The following EXOC6B variants were observed in gnomAD, a reference collection of about 807,000 sequenced individuals.
The protein encoded by EXOC6B is exocyst complex component 6B.
In EXOC6B, 54 loss-of-function variants were observed where a neutral mutation model predicts 113.5. That is an observed-to-expected ratio of 0.48 (90% CI 0.38 to 0.60). The LOEUF (loss-of-function observed/expected upper bound fraction) is 0.60. Ranked by LOEUF, EXOC6B falls within the 20% of genes least tolerant of loss-of-function variation. The pLI is 0.00. For synonymous variants in EXOC6B, 357 were observed against 339.0 expected (o/e 1.05, Z -0.58); for missense variants, 797 against 977.5 (o/e 0.82, Z 2.46).
intron 18 of EXOC6B, among the ~76,000 whole-genome samples, chr2:72,443,605 G>A (rs1399314859): frequency 6.6e-6 from 1 of 152,122 alleles, no homozygotes; most frequent in African/African-American, 2.4e-5. Context: ...ATAAAAAGAG[G>A]TTTAATAGAC....
chr2:72,223,921 T>C (rs1448738795), intron 20 of EXOC6B, among the ~76,000 whole-genome samples: 1 of 152,196 alleles, frequency 6.6e-6, no homozygotes, highest in Non-Finnish European at 1.5e-5. Flanking sequence ...ACAGGACATT[T>C]TGGAATACAG....
rs541788597 is a variant in EXOC6B at position 72,376,103 on chromosome 2, G to A, written c.2122+3626C>T. Among the ~76,000 whole-genome samples the A allele has an allele frequency of 3.4e-4, 52 of 151,846 alleles. No homozygotes were observed. The South Asian group carries it at 1.0e-2, about 29-fold the overall frequency. ...CCATTTCTTAATGAAGTAGTCTCAA[G>A]GTTCTAGAAAAAAAAAATGTGTTAA... On this transcript the variant is annotated intron_variant, in intron 19 of 21. Coordinates refer to ENST00000272427, the MANE Select transcript of EXOC6B (RefSeq NM_015189.3).
intron 20 of EXOC6B, among the ~76,000 whole-genome samples, chr2:72,316,659 T>A (rs1687531059): frequency 6.6e-6 from 1 of 152,226 alleles, no homozygotes; most frequent in Admixed American, 6.5e-5. Context: ...AATTATGAAA[T>A]AGGAACTATG....
In EXOC6B at chr2:72,214,962, T is replaced by C. The variant is rs536016967; in HGVS notation, c.2197-30775A>G. On this transcript the variant is annotated intron_variant, in intron 20 of 21. Coordinates refer to ENST00000272427, the MANE Select transcript of EXOC6B (RefSeq NM_015189.3). ...AGACTGACTGCTTTTAGGGAGGAAA[T>C]GCAGCAAAGAGGGTTGGGCTCTTTC... 2.8e-4 allele frequency among the ~76,000 whole-genome samples: 42 copies of C among 152,302 alleles called. 1 individual carries two copies. Among genetic ancestry groups the C allele is most frequent in the Admixed American group, 2.4e-3 (37 of 15,304 alleles).
chr2:72,408,911 ACAT>A (rs1693977583), intron 18 of EXOC6B, among the ~76,000 whole-genome samples: 1 of 152,160 alleles, frequency 6.6e-6, no homozygotes. Flanking sequence ...AAAGGAACTA[ACAT>A]CAGAGTGAAC....
chr2:72,517,605 C>T (rs898787236), intron 8 of EXOC6B, among the ~76,000 whole-genome samples: 1 of 152,084 alleles, frequency 6.6e-6, no homozygotes, highest in Non-Finnish European at 1.5e-5. Flanking sequence ...CATTTCACAG[C>T]ATAGTAGTAT....
chr2:72,591,360 TG>T (rs945192272), intron 6 of EXOC6B, among the ~76,000 whole-genome samples: 1 of 152,148 alleles, frequency 6.6e-6, no homozygotes, highest in Non-Finnish European at 1.5e-5. Flanking sequence ...CTGCTCATTT[TG>T]TCTGATATTT....
intron 6 of EXOC6B, among the ~76,000 whole-genome samples, chr2:72,629,344 C>T (rs1315717343): frequency 6.6e-6 from 1 of 152,154 alleles, no homozygotes; most frequent in Non-Finnish European, 1.5e-5. Flanking sequence ...CCCACATGCA[C>T]TGCTTGTAAA....
At chr2:72,210,485 A>T (rs1257727110) in intron 20 of EXOC6B, among the ~76,000 whole-genome samples, 1 of 152,224 alleles carries the variant, frequency 6.6e-6, no homozygotes, top group Non-Finnish European at 1.5e-5. Flanking sequence ...ATTTCCCAGC[A>T]CAGTACCAGA....
intron 18 of EXOC6B, among the ~76,000 whole-genome samples, chr2:72,454,548 T>A (rs1440147234): frequency 1.3e-5 from 2 of 151,996 alleles, no homozygotes; most frequent in Non-Finnish European, 2.9e-5. Context: ...GAAAAGGAAA[T>A]CAAGTATGAA....
chr2:72,402,193 T>C (rs1490182749), intron 18 of EXOC6B, among the ~76,000 whole-genome samples: 1 of 152,154 alleles, frequency 6.6e-6, no homozygotes, highest in Non-Finnish European at 1.5e-5. Flanking sequence ...TATAGGTCTG[T>C]TAAGATTTTG....
rs556281011 is a variant in EXOC6B at position 72,228,642 on chromosome 2, T to C, written c.2197-44455A>G. 5.5e-3 allele frequency among the ~76,000 whole-genome samples: 834 copies of C among 152,284 alleles called. 22 individuals carry two copies. The highest frequency in any genetic ancestry group is 0.049 in the Admixed American group (743 of 15,292). The stretch of plus-strand genomic sequence containing the variant: ...AGTATTCCATGGTGTATATGTGCCA[T>C]ATTTTCTTAATCCAGTCTAACATTG... On this transcript the variant is annotated intron_variant, in intron 20 of 21. Coordinates refer to ENST00000272427, the MANE Select transcript of EXOC6B (RefSeq NM_015189.3).
At chr2:72,541,311 T>C (rs1234690935) in intron 8 of EXOC6B, among the ~76,000 whole-genome samples, 1 of 152,196 alleles carries the variant, frequency 6.6e-6, no homozygotes, top group African/African-American at 2.4e-5. Context: ...AGTCTTGGGT[T>C]ATGTCTTTAT....
At chr2:72,335,170 T>C (rs138173346) in intron 19 of EXOC6B, 150 bp from the exon 20 acceptor site, 1 of 659,762 alleles carries the variant, frequency 1.5e-6, no homozygotes, top group Non-Finnish European at 2.7e-6. Flanking sequence ...GCTTCTTTGT[T>C]TGCCCTTCAA....
At chr2:72,355,347 A>C (rs1369939378) in intron 19 of EXOC6B, among the ~76,000 whole-genome samples, 1 of 152,242 alleles carries the variant, frequency 6.6e-6, no homozygotes, top group African/African-American at 2.4e-5. Flanking sequence ...AAAGGAAACC[A>C]AATGATAAAA....
chr2:72,571,439 A>G lies in EXOC6B; in HGVS notation c.846+4053T>C, dbSNP rs188478657. 7.2e-4 allele frequency among the ~76,000 whole-genome samples: 109 copies of G among 152,274 alleles called. 1 individual carries two copies. The highest frequency in any genetic ancestry group is 2.6e-3 in the African/African-American group (106 of 41,544). ...TAAGCTGTTGATCAGAAATGGTTAAATATCAGCAGCTTCATATAGTCCAAC... is the reference window on the plus strand; with the variant it reads ...TAAGCTGTTGATCAGAAATGGTTAAGTATCAGCAGCTTCATATAGTCCAAC... On this transcript the variant is annotated intron_variant, in intron 7 of 21. Coordinates refer to ENST00000272427, the MANE Select transcript of EXOC6B (RefSeq NM_015189.3).
intron 18 of EXOC6B, among the ~76,000 whole-genome samples, chr2:72,446,481 A>G (rs1383518856): frequency 6.6e-6 from 1 of 152,198 alleles, no homozygotes; most frequent in Non-Finnish European, 1.5e-5. Context: ...GGGAACATGG[A>G]TGGAGCTGAG....
chr2:72,508,903 T>TA (rs1700753795), intron 11 of EXOC6B, among the ~76,000 whole-genome samples: 1 of 152,104 alleles, frequency 6.6e-6, no homozygotes, highest in African/African-American at 2.4e-5. Context: ...GACCTAGAAA[T>TA]AAACCTGAGT....
chr2:72,373,862 G>A (rs947928044), intron 19 of EXOC6B, among the ~76,000 whole-genome samples: 1 of 152,100 alleles, frequency 6.6e-6, no homozygotes, highest in Non-Finnish European at 1.5e-5. Context: ...GGTGGCTCAC[G>A]CCTATAATCC....
Sources: allele counts gnomAD v4.1 joint callset (sites outside exome capture counted in the v4.1 genomes callset), GRCh38; gene constraint gnomAD v4.1.1; transcripts MANE v1.5; gene names NCBI Gene and HGNC (gene_info 2026-07-23, HGNC 2026-07-21).